Variants in RAI1 observed in about 807,000 individuals in gnomAD.
The protein encoded by RAI1 is retinoic acid induced 1.
A neutral mutation model predicts 123.8 loss-of-function variants in RAI1; 9 were observed. That is an observed-to-expected ratio of 0.07 (90% CI 0.04 to 0.13). The LOEUF (loss-of-function observed/expected upper bound fraction) is 0.13, where lower values mean the gene tolerates loss of function less well. Ranked by LOEUF, RAI1 falls within the 10% of genes least tolerant of loss-of-function variation. The pLI, the probability that RAI1 is intolerant of heterozygous loss-of-function variation, is 1.00. For missense variants in RAI1, 2,256 were observed against 2,545.8 expected, an observed-to-expected ratio of 0.89 and a Z score of 2.45; for synonymous variants, 1,231 against 1,127.3, an observed-to-expected ratio of 1.09 and a Z score of -1.84.
intron 2 of RAI1, among the ~76,000 whole-genome samples, chr17:17,760,317 C>T (rs2030635101): frequency 6.6e-6 from 1 of 152,046 alleles, no homozygotes; most frequent in Non-Finnish European, 1.5e-5. Flanking sequence ...AGCAGTTTGG[C>T]ATCAAGGTGT....
rs200051989 is a variant in RAI1 at position 17,797,874 on chromosome 17, G to A, written c.4926G>A (p.Leu1642=). 1.5e-5 allele frequency: 24 copies of A among 1,613,908 alleles called. 1 individual carries two copies. In the South Asian group the frequency reaches 2.4e-4, roughly 16 times the overall value. The change falls in exon 3 of 6, where the codon TTG becomes TTA. Residue 1642 remains leucine, a synonymous_variant. Coordinates refer to ENST00000353383, the MANE Select transcript of RAI1 (RefSeq NM_030665.4). ...SSSSSSSSFS[L]DAAGASLATL... ...CCTCATCCTCGTCCTCGTTCTCCTTGGATGCAGCCGGGGCCTCCCTGGCCA... is the reference window on the plus strand; with the variant it reads ...CCTCATCCTCGTCCTCGTTCTCCTTAGATGCAGCCGGGGCCTCCCTGGCCA...
rs1225597002 is a variant in RAI1, at chr17:17,793,633, G to T, written c.685G>T (p.Gly229Cys). 1.9e-6 allele frequency: 3 copies of T among 1,613,206 alleles called. No individual in the cohort carries two copies. The highest frequency in any genetic ancestry group is 2.5e-6 in the Non-Finnish European group (3 of 1,179,980). Reference protein sequence around the residue: ...SSTYSSSVQGGGQGAHSYKSC... With the variant: ...SSTYSSSVQGCGQGAHSYKSC... ...CACCTACTCCTCCTCTGTCCAGGGT[G>T]GTGGGCAGGGGGCCCACTCCTATAA... The change falls in exon 3 of 6, where the codon GGT becomes TGT. Residue 229 changes from glycine to cysteine, a missense_variant. By Grantham distance (159) the Gly-to-Cys change is radical. Transcript: ENST00000353383.
chr17:17,686,951 G>C (rs113182474), intron 1 of RAI1, among the ~76,000 whole-genome samples: 3,631 of 152,200 alleles, frequency 0.024, 128 homozygotes, highest in African/African-American at 0.083. Flanking sequence ...TCGCACCCTT[G>C]AAGTCTAGGG....
intron 2 of RAI1, among the ~76,000 whole-genome samples, chr17:17,725,405 G>T (rs1042142144): frequency 6.6e-6 from 1 of 152,170 alleles, no homozygotes; most frequent in African/African-American, 2.4e-5. Context: ...CTCCCTCAGG[G>T]CCGGGAGGAG....
chr17:17,728,724 A>ACAGATCCTGCAAGTCAGCG (rs1404772436), intron 2 of RAI1, among the ~76,000 whole-genome samples: 3 of 152,178 alleles, frequency 2.0e-5, no homozygotes, highest in African/African-American at 7.2e-5. Context: ...TGTTGTTTGC[A>ACAGATCCTGCAAGTCAGCG]CAGATCCTGC....
chr17:17,715,581 T>TCCTCTG (rs1389612118), intron 1 of RAI1, among the ~76,000 whole-genome samples: 1 of 152,124 alleles, frequency 6.6e-6, no homozygotes, highest in African/African-American at 2.4e-5. Context: ...TTGGCGTCTT[T>TCCTCTG]CCTCTGCCTC....
intron 4 of RAI1, among the ~76,000 whole-genome samples, chr17:17,807,522 T>C (rs1018003050): frequency 2.0e-5 from 3 of 152,222 alleles, no homozygotes; most frequent in Non-Finnish European, 4.4e-5. Flanking sequence ...GTGTCCTGTC[T>C]CAACCTTTCC....
chr17:17,749,072 C>T (rs569162973), intron 2 of RAI1, among the ~76,000 whole-genome samples: 2 of 152,182 alleles, frequency 1.3e-5, no homozygotes, highest in African/African-American at 2.4e-5. Flanking sequence ...GATCTCCCCA[C>T]GAATCCTGCA....
At chr17:17,750,604 C>T (rs1192374229) in intron 2 of RAI1, among the ~76,000 whole-genome samples, 1 of 150,510 alleles carries the variant, frequency 6.6e-6, no homozygotes, top group Non-Finnish European at 1.5e-5. Context: ...GCCTGTAATC[C>T]CAGCAACTTG....
At chr17:17,752,982 C>A (rs974257604) in intron 2 of RAI1, among the ~76,000 whole-genome samples, 1 of 152,240 alleles carries the variant, frequency 6.6e-6, no homozygotes, top group Non-Finnish European at 1.5e-5. Flanking sequence ...TTGCCTGAGG[C>A]TTCCTTGGTG....
In RAI1 at chr17:17,794,454, C is replaced by T. The variant is rs1256710650; in HGVS notation, c.1506C>T (p.Ser502=). The change falls in exon 3 of 6, where the codon AGC becomes AGT. Residue 502 remains serine (S), a synonymous_variant. Transcript: ENST00000353383. ...PAGTPLSEPP[S]STPQSTHAEP... ...GCACACCGCTGTCAGAGCCGCCGAG[C>T]AGCACGCCACAGTCCACGCATGCGG... is the stretch of plus-strand genomic sequence containing the variant. 2 of 1,612,540 alleles carry T rather than the reference C, an allele frequency of 1.2e-6. No individual in the cohort carries two copies. The highest frequency in any genetic ancestry group is 1.1e-5 in the South Asian group (1 of 91,054).
In RAI1 at chr17:17,798,138, G is replaced by C. The variant is rs980403488; in HGVS notation, c.5190G>C (p.Glu1730Asp). The C allele has an allele frequency of 1.2e-5, 19 of 1,613,718 alleles. No homozygotes were observed. Among genetic ancestry groups the C allele is most frequent in the Non-Finnish European group, 1.6e-5 (19 of 1,180,046 alleles). ...AGGTGCGGCCAGAAGGCACCTGTGA[G>C]GAGGCCTCGCTGCCGCTTGAGAGAA... is the stretch of plus-strand genomic sequence containing the variant. ...KEKVRPEGTC[E>D]EASLPLERTL... Residue 1730 changes from glutamate (E) to aspartate (D), a missense_variant, in exon 3 of 6, where the codon GAG (glutamate) becomes GAC (aspartate). Physicochemically the swap from Glu to Asp is conservative, Grantham distance 45. Transcript: ENST00000353383.
intron 2 of RAI1, among the ~76,000 whole-genome samples, chr17:17,784,845 C>G (rs1021159323): frequency 6.6e-6 from 1 of 152,180 alleles, no homozygotes; most frequent in Non-Finnish European, 1.5e-5. Context: ...TCGGGGAAGG[C>G]CCAGAGAATT....
chr17:17,686,568 CGTGTGTGTGTGTGTGTGTGT>C lies in RAI1; in HGVS notation c.-149+4797_-149+4816del, dbSNP rs58906330. Reference sequence around the variant, plus strand: ...ATTTCGCTCCACTGGTTCTTGAACCCGTGTGTGTGTGTGTGTGTGTGTGTGTGTGTGTGTGTGTGTGCACG... The same window carrying C: ...ATTTCGCTCCACTGGTTCTTGAACCCGTGTGTGTGTGTGTGTGTGTGCACG... On this transcript the variant is annotated intron_variant, in intron 1 of 5. Transcript: ENST00000353383. 8.8e-4 allele frequency among the ~76,000 whole-genome samples: 110 copies of C among 124,500 alleles called. 1 individual carries two copies. The highest frequency in any genetic ancestry group is 7.8e-4 in the Non-Finnish European group (46 of 58,726). 81.7% of individuals were successfully genotyped at this position (124,500 alleles called of 152,430 possible). A position where few individuals can be genotyped will look rare whatever the true frequency, so the allele number is the denominator to read the frequency against.
chr17:17,726,807 A>G (rs1161093592), intron 2 of RAI1, among the ~76,000 whole-genome samples: 3 of 152,128 alleles, frequency 2.0e-5, no homozygotes, highest in Non-Finnish European at 4.4e-5. Context: ...AGTTCTTCCC[A>G]GTCCTTTTCG....
intron 2 of RAI1, among the ~76,000 whole-genome samples, chr17:17,787,908 T>C (rs1252025197): frequency 2.6e-5 from 4 of 152,086 alleles, no homozygotes; most frequent in Non-Finnish European, 5.9e-5. Context: ...GGAGATGGTG[T>C]TGGGGGCTGT....
chr17:17,784,990 T>A (rs1425695087), intron 2 of RAI1, among the ~76,000 whole-genome samples: 1 of 151,962 alleles, frequency 6.6e-6, no homozygotes, highest in Non-Finnish European at 1.5e-5. Context: ...CCTTCCCTGA[T>A]CACCTCCTCT....
At chr17:17,684,482 T>C (rs1312817216) in intron 1 of RAI1, 1 of 151,842 alleles carries the variant, frequency 6.6e-6, no homozygotes, top group Non-Finnish European at 1.5e-5. Flanking sequence ...GCAACAAATG[T>C]TAATTGCAAC....
At position 17,793,111 on chromosome 17, in the gene RAI1, C is replaced by A; in HGVS notation, c.163C>A (p.Pro55Thr). ...CGCCAAGGACTATTATAACCCGCAG[C>A]CTTACCCGAGCTATGAGGGTGGCGC... ...LLAKDYYNPQ[P>T]YPSYEGGAGT... The change falls in exon 3 of 6, where the codon CCT becomes ACT. Residue 55 changes from proline to threonine, a missense_variant. Physicochemically the swap from Pro to Thr is conservative, Grantham distance 38. This residue lies in a region of RAI1 where 336 missense variants were observed against 349.8 expected (regional missense o/e 0.96). Transcript: ENST00000353383. 6.2e-7 allele frequency: 1 copy of A among 1,614,114 alleles called. No homozygotes were observed. Among genetic ancestry groups the A allele is most frequent in the Non-Finnish European group, 8.5e-7 (1 of 1,180,040 alleles).
Sources: gnomAD v4.1 joint callset for allele counts (sites outside exome capture counted in the v4.1 genomes callset) on GRCh38, gnomAD v4.1.1 for gene constraint, gnomAD v4.1.1 regional missense constraint, MANE v1.5 for transcripts, NCBI Gene and HGNC (gene_info 2026-07-23, HGNC 2026-07-21) for gene names.